PCYT1B: variants seen among roughly 807,000 people sequenced by gnomAD.
PCYT1B encodes phosphate cytidylyltransferase 1B, choline.
Under a neutral mutation model 26.4 loss-of-function variants are expected in PCYT1B, and 10 were observed. The observed-to-expected ratio is 0.38, with a 90% CI of 0.23 to 0.64. The LOEUF (loss-of-function observed/expected upper bound fraction) is 0.64. PCYT1B is among the 30% of genes least tolerant of loss of function. The probability of loss-of-function intolerance (pLI) is 0.56; values close to 1 mark genes in which losing one functional copy is unlikely to be tolerated. For synonymous variants in PCYT1B, 131 were observed against 108.4 expected (o/e 1.21, Z -1.29); for missense variants, 161 against 292.7 (o/e 0.55, Z 3.28).
chrX:24,577,194 G>T (rs1448348752), intron 6 of PCYT1B, among the ~76,000 whole-genome samples: 1 of 111,116 alleles, frequency 9.0e-6, no homozygotes, highest in Non-Finnish European at 1.9e-5. Context: ...ACTGGCATCA[G>T]GTCCCTGTCA....
upstream of PCYT1B, among the ~76,000 whole-genome samples, chrX:24,648,174 A>G (rs1926687260): frequency 8.9e-6 from 1 of 111,802 alleles, no homozygotes; most frequent in African/African-American, 3.3e-5. Context: ...TAATGTCTAC[A>G]TTATCTAGGG....
At chrX:24,662,421 A>G (rs1927047008) in intron 1 of PCYT1B, among the ~76,000 whole-genome samples, 2 of 111,106 alleles carry the variant, frequency 1.8e-5, no homozygotes, top group Admixed American at 9.6e-5. Flanking sequence ...ATGCTGCTAA[A>G]CATCCTACAA....
At chrX:24,621,364 C>T (rs553820189) in intron 1 of PCYT1B, among the ~76,000 whole-genome samples, 3 of 111,813 alleles carry the variant, frequency 2.7e-5, no homozygotes, top group African/African-American at 9.7e-5. Context: ...ACTTAATAAA[C>T]TGTAGCTATT....
At chrX:24,573,114 C>A (rs1214687500) in intron 7 of PCYT1B, among the ~76,000 whole-genome samples, 4 of 81,269 alleles carry the variant, frequency 4.9e-5, no homozygotes, top group South Asian at 7.3e-4. Flanking sequence ...ACATATATAC[C>A]CACACATATA....
At chrX:24,659,983 T>G (rs73469838) in intron 1 of PCYT1B, among the ~76,000 whole-genome samples, 241 of 111,846 alleles carry the variant, frequency 2.2e-3, no homozygotes, top group African/African-American at 7.5e-3. Context: ...TTATCCACTT[T>G]GCTTTATTCT....
At chrX:24,628,226 T>C (rs748712776) in intron 1 of PCYT1B, among the ~76,000 whole-genome samples, 1 of 111,259 alleles carries the variant, frequency 9.0e-6, no homozygotes, top group Admixed American at 9.6e-5. Flanking sequence ...TGAGGAAACA[T>C]TGTATATTTA....
At chrX:24,590,740 G>A (rs1313677157) in intron 3 of PCYT1B, among the ~76,000 whole-genome samples, 2 of 106,916 alleles carry the variant, frequency 1.9e-5, no homozygotes, top group Non-Finnish European at 3.9e-5. Context: ...AGAGAAGAAA[G>A]TCATAAAATC....
At chrX:24,662,947 C>G in intron 1 of PCYT1B, among the ~76,000 whole-genome samples, 1 of 111,965 alleles carries the variant, frequency 8.9e-6, no homozygotes, top group Middle Eastern at 4.6e-3. Context: ...TCAAGTCATT[C>G]AGACCTTGCC....
chrX:24,633,330 T>C (rs992094888), intron 1 of PCYT1B, among the ~76,000 whole-genome samples: 1 of 109,313 alleles, frequency 9.1e-6, no homozygotes, highest in Non-Finnish European at 1.9e-5. Context: ...CATTACACAT[T>C]CTATGCATGT....
At chrX:24,671,894 A>G (rs2148284890) in intron 1 of PCYT1B, among the ~76,000 whole-genome samples, 1 of 112,569 alleles carries the variant, frequency 8.9e-6, no homozygotes, top group South Asian at 3.7e-4. Flanking sequence ...CAGTGGTCTC[A>G]CTTAAGTGAC....
chrX:24,563,952 C>T (rs1026720871), intron 7 of PCYT1B, among the ~76,000 whole-genome samples: 1 of 111,097 alleles, frequency 9.0e-6, no homozygotes, highest in Non-Finnish European at 1.9e-5. Context: ...AAGGCCAAGT[C>T]GGGCAGATCA....
At chrX:24,670,891 G>A (rs1453076565) in intron 1 of PCYT1B, among the ~76,000 whole-genome samples, 2 of 111,418 alleles carry the variant, frequency 1.8e-5, no homozygotes, top group East Asian at 2.8e-4. Context: ...AGTGATATTT[G>A]CACAGATTTA....
intron 1 of PCYT1B, among the ~76,000 whole-genome samples, chrX:24,637,491 A>AAATATATATATATATATATATATATAT: frequency 1.9e-5 from 1 of 52,878 alleles, no homozygotes; most frequent in African/African-American, 1.5e-4. Context: ...AAAAAAAAAA[A>AAATATATATATATATATATATATATAT]ATATATATAT....
Position 24,559,934 on chromosome X carries a change from T to C in PCYT1B, c.*2359A>G, listed in dbSNP as rs1002795049. The C allele has an allele frequency of 9.0e-6, 1 of 111,712 alleles. No individual in the cohort carries two copies. The highest frequency in any genetic ancestry group is 3.3e-5 in the African/African-American group (1 of 30,719). 9.2% of individuals were successfully genotyped at this position (111,712 alleles called of 1,213,427 possible). On this transcript the variant is annotated 3_prime_UTR_variant, in exon 8 of 8. Coordinates refer to ENST00000379144, the MANE Select transcript of PCYT1B (RefSeq NM_004845.5). ...CTCACTGCAGGTTAGGAGGGTGAGA[T>C]TTAGAACCCATTTATGTGTGGTTTG...
chrX:24,671,998 T>C (rs137870023), intron 1 of PCYT1B, among the ~76,000 whole-genome samples: 4,018 of 111,757 alleles, frequency 0.036, 202 homozygotes, highest in African/African-American at 0.12. Context: ...CTTGTCTCTA[T>C]TAAAAGCACA....
chrX:24,567,153 T>G (rs759610483), intron 7 of PCYT1B, among the ~76,000 whole-genome samples: 21 of 112,617 alleles, frequency 1.9e-4, no homozygotes, highest in African/African-American at 6.4e-4. Flanking sequence ...CCTCCTGCTG[T>G]TAATGGATTG....
rs1053115982 is a variant in PCYT1B, at chrX:24,590,881, C to T, written c.335-707G>A. 2.8e-5 allele frequency among the ~76,000 whole-genome samples: 3 copies of T among 106,569 alleles called. No homozygotes were observed. In the Admixed American group the frequency reaches 3.1e-4, roughly 11 times the overall value. The allele number at this position is 106,569 out of a possible 115,157, so 92.5% of individuals were successfully genotyped here. A position where few individuals can be genotyped will look rare whatever the true frequency, so the allele number is the denominator to read the frequency against. Reference sequence around the variant, plus strand: ...CCATCTCAGCTCACTGCAAGCTTCGCCTCCCGGGTTCACGCCATTCTCCTG... The same window carrying T: ...CCATCTCAGCTCACTGCAAGCTTCGTCTCCCGGGTTCACGCCATTCTCCTG... On this transcript the variant is annotated intron_variant, in intron 3 of 7. Transcript: ENST00000379144.
intron 1 of PCYT1B, among the ~76,000 whole-genome samples, chrX:24,644,449 TAC>T (rs201474505): frequency 0.017 from 1,624 of 95,265 alleles, 12 homozygotes; most frequent in African/African-American, 0.022. Flanking sequence ...ATGTGCATGA[TAC>T]ACACACACAC....
chrX:24,664,069 T>C (rs780933975), intron 1 of PCYT1B, among the ~76,000 whole-genome samples: 10 of 111,177 alleles, frequency 9.0e-5, no homozygotes, highest in Admixed American at 2.9e-4. Context: ...CATTTAACAA[T>C]GTCTGGAGAC....
Sources: allele counts gnomAD v4.1 joint callset (sites outside exome capture counted in the v4.1 genomes callset), GRCh38; gene constraint gnomAD v4.1.1; transcripts MANE v1.5; gene names NCBI Gene and HGNC (gene_info 2026-07-23, HGNC 2026-07-21).